CIDEC: variants seen among roughly 807,000 people sequenced by gnomAD.
The protein encoded by CIDEC is cell death inducing DFFA like effector c.
In CIDEC, 11 loss-of-function variants were observed where a neutral mutation model predicts 21.9. The ratio of observed to expected loss-of-function variants is 0.50; its 90% confidence interval spans 0.32 to 0.83. The LOEUF is 0.83. Ranked by LOEUF, CIDEC falls within the 40% of genes least tolerant of loss-of-function variation. CIDEC has a pLI of 0.04. For missense variants in CIDEC, 302 were observed against 302.3 expected (o/e 1.00, Z 0.01); for synonymous variants, 127 against 124.9 (o/e 1.02, Z -0.11).
In CIDEC at chr3:9,878,732, G is replaced by C. The variant is rs1559254303; in HGVS notation, c.-26+210C>G. The stretch of plus-strand genomic sequence containing the variant: ...ACCCCTCTCCCCACCGGGTGCTCAG[G>C]CTCAGCCTCACTCAGCAGCTGCTGC... On this transcript the variant is annotated intron_variant, in intron 2 of 6. Coordinates refer to ENST00000336832, the MANE Select transcript of CIDEC (RefSeq NM_001321142.2). The C allele has an allele frequency of 3.3e-6, 5 of 1,535,354 alleles. No homozygotes were observed. The South Asian group carries it at 6.0e-5, about 18-fold the overall frequency.
At chr3:9,878,358 C>T in intron 3 of CIDEC, 76 bp downstream of exon 3, 1 of 1,076,962 alleles carries the variant, frequency 9.3e-7, no homozygotes, top group Admixed American at 1.7e-5. Flanking sequence ...GACCTGTATA[C>T]CCATTAAAGT....
intron 4 of CIDEC, among the ~76,000 whole-genome samples, chr3:9,876,195 C>T (rs569461146): frequency 1.3e-5 from 2 of 152,336 alleles, no homozygotes; most frequent in South Asian, 4.1e-4. Context: ...TCAGTGAGGA[C>T]AGGCATGGTG....
Position 9,866,842 on chromosome 3 carries a change from G to C in CIDEC, c.*292C>G. 1 of 596,186 alleles carries C rather than the reference G, an allele frequency of 1.7e-6. No individual in the cohort carries two copies. The highest frequency in any genetic ancestry group is 2.8e-5 in the East Asian group (1 of 36,082). 36.9% of individuals were successfully genotyped at this position (596,186 alleles called of 1,614,324 possible). On this transcript the variant is annotated 3_prime_UTR_variant, in exon 7 of 7. Transcript: ENST00000336832. Reference sequence around the variant, plus strand: ...CATGAAAGTACAGCCTGCGAGGCCAGATTGCTAAGGGGCAGACTTCATGCC... The same window carrying C: ...CATGAAAGTACAGCCTGCGAGGCCACATTGCTAAGGGGCAGACTTCATGCC...
intron 6 of CIDEC, 43 bp from the exon 7 acceptor site, chr3:9,867,339 G>C: frequency 6.2e-7 from 1 of 1,607,254 alleles, no homozygotes; most frequent in Non-Finnish European, 8.5e-7. Flanking sequence ...CCACGAAGTA[G>C]GTCGGGCATG....
chr3:9,869,185 G>T (rs1279859414), intron 6 of CIDEC, among the ~76,000 whole-genome samples: 2 of 152,078 alleles, frequency 1.3e-5, no homozygotes, highest in African/African-American at 4.8e-5. Flanking sequence ...TCTCCTTTGA[G>T]CTGATTGTAA....
intron 4 of CIDEC, 106 bp downstream of exon 4, chr3:9,876,960 G>T: frequency 1.1e-6 from 1 of 901,962 alleles, no homozygotes; most frequent in Non-Finnish European, 1.8e-6. Context: ...ATCTGTAGGC[G>T]CTGGTAGGTA....
intron 4 of CIDEC, among the ~76,000 whole-genome samples, chr3:9,870,925 C>T (rs1481245595): frequency 1.3e-5 from 2 of 151,328 alleles, no homozygotes; most frequent in Non-Finnish European, 1.5e-5. Flanking sequence ...CAGGCATGTG[C>T]TATCACGTCC....
intron 1 of CIDEC, 47 bp downstream of exon 1, chr3:9,880,177 C>T (rs1456548455): frequency 1.3e-5 from 2 of 151,886 alleles, no homozygotes; most frequent in Non-Finnish European, 2.9e-5. Context: ...TCTCCAGGAG[C>T]AAAGAAAAAA....
chr3:9,870,341 G>C lies in CIDEC; in HGVS notation c.208-19C>G. ...CCCGGACCTGGGGAATAAGGTCAGT[G>C]ATGCTTCTGCCATCCCAGAACAAGT... On this transcript the variant is annotated intron_variant, in intron 4 of 6. Coordinates refer to ENST00000336832, the MANE Select transcript of CIDEC (RefSeq NM_001321142.2). 1 of 1,610,898 alleles carries C rather than the reference G, an allele frequency of 6.2e-7. No individual in the cohort carries two copies. Among genetic ancestry groups the C allele is most frequent in the Non-Finnish European group, 8.5e-7 (1 of 1,179,980 alleles).
Position 9,877,134 on chromosome 3 carries a change from C to A in CIDEC, c.139G>T (p.Val47Leu). The change falls in exon 4 of 7, where the codon GTA (valine) becomes TTA (leucine). Residue 47 changes from valine to leucine, a missense_variant. Val to Leu is a conservative substitution (Grantham distance 32). Coordinates refer to ENST00000336832, the MANE Select transcript of CIDEC (RefSeq NM_001321142.2). ...CTCACGCTTCGATCCGCCGTGCTTA[C>A]GCGGCAGGGCCGGGCCCTGGGGGCC... The part of the protein sequence containing the change: ...PKAPRARPCR[V>L]STADRSVRKG... The A allele has an allele frequency of 6.4e-7, 1 of 1,552,414 alleles. No homozygotes were observed. Among genetic ancestry groups the A allele is most frequent in the Non-Finnish European group, 8.7e-7 (1 of 1,147,368 alleles).
chr3:9,874,413 G>A (rs929607988), intron 4 of CIDEC, among the ~76,000 whole-genome samples: 50 of 151,878 alleles, frequency 3.3e-4, no homozygotes, highest in African/African-American at 1.1e-3. Flanking sequence ...CGAGTCGGGA[G>A]GCTGAGGTGG....
At position 9,878,757 on chromosome 3, in the gene CIDEC, C is replaced by T. The variant is rs373033506; in HGVS notation, c.-26+185G>A. 4,233 of 1,536,220 alleles carry T rather than the reference C, an allele frequency of 2.8e-3. 96 individuals carry two copies. The South Asian group carries it at 0.034, about 12-fold the overall frequency. ...GCTCAGCCTCACTCAGCAGCTGCTGCTCCTGCCCCAGTCCCACTCACTCCA... is the reference window on the plus strand; with the variant it reads ...GCTCAGCCTCACTCAGCAGCTGCTGTTCCTGCCCCAGTCCCACTCACTCCA... On this transcript the variant is annotated intron_variant, in intron 2 of 6. Coordinates refer to ENST00000336832, the MANE Select transcript of CIDEC (RefSeq NM_001321142.2).
intron 4 of CIDEC, among the ~76,000 whole-genome samples, chr3:9,874,749 T>A (rs2082396983): frequency 6.6e-6 from 1 of 152,082 alleles, no homozygotes; most frequent in African/African-American, 2.4e-5. Context: ...AAATTTTTTT[T>A]AAACAGGGTC....
At chr3:9,879,078 G>C in intron 1 of CIDEC, 24 bp from the exon 2 acceptor site, 1 of 533,484 alleles carries the variant, frequency 1.9e-6, no homozygotes, top group South Asian at 2.3e-5. Context: ...GGCATGCCTT[G>C]TACATACTCT....
rs17851444 is a variant in CIDEC at position 9,878,454 on chromosome 3, G to C, written c.33C>G (p.Leu11=). The C allele has an allele frequency of 0.12, 189,343 of 1,612,418 alleles. 11,893 individuals carry two copies. The highest frequency in any genetic ancestry group is 0.16 in the South Asian group (14,722 of 91,058). ...CTCACCTGGAGAGGGACTTGGGGTAGAGAAGGCTAAGGGACTTCATGGCGT... is the reference window on the plus strand; with the variant it reads ...CTCACCTGGAGAGGGACTTGGGGTACAGAAGGCTAAGGGACTTCATGGCGT... The part of the protein sequence containing the change: MEYAMKSLSL[L]YPKSLSRHVS... The change falls in exon 3 of 7, where the codon CTC becomes CTG. Residue 11 remains leucine, a synonymous_variant. Transcript: ENST00000336832.
intron 6 of CIDEC, 45 bp from the exon 7 acceptor site, chr3:9,867,341 T>C: frequency 6.2e-7 from 1 of 1,607,298 alleles, no homozygotes; most frequent in Non-Finnish European, 8.5e-7. Context: ...ACGAAGTAGG[T>C]CGGGCATGGC....
At chr3:9,871,275 C>T (rs2082344343) in intron 4 of CIDEC, among the ~76,000 whole-genome samples, 1 of 148,806 alleles carries the variant, frequency 6.7e-6, no homozygotes, top group Admixed American at 6.8e-5. Context: ...ACCTCCTGGG[C>T]TCAAGTGATC....
intron 3 of CIDEC, 39 bp downstream of exon 3, chr3:9,878,395 A>G: frequency 6.9e-7 from 1 of 1,456,436 alleles, no homozygotes; most frequent in Non-Finnish European, 9.7e-7. Flanking sequence ...TACAGCTCAT[A>G]GGTGGCTCTC....
chr3:9,869,748 T>C (rs1284361066), intron 6 of CIDEC, 134 bp downstream of exon 6: 57 of 819,764 alleles, frequency 7.0e-5, no homozygotes, highest in Non-Finnish European at 9.7e-5. Flanking sequence ...GGCTCCGTGT[T>C]GTCTGATACA....
Sources: allele counts gnomAD v4.1 joint callset (sites outside exome capture counted in the v4.1 genomes callset), GRCh38; gene constraint gnomAD v4.1.1; transcripts MANE v1.5; gene names NCBI Gene and HGNC (gene_info 2026-07-23, HGNC 2026-07-21).